PAMR1: variants seen among roughly 807,000 people sequenced by gnomAD.
PAMR1 encodes the protein inactive serine protease PAMR1.
A neutral mutation model predicts 81.8 loss-of-function variants in PAMR1; 88 were observed. The ratio of observed to expected loss-of-function variants is 1.08; its 90% confidence interval spans 0.91 to 1.28. The LOEUF is 1.28. PAMR1 is among the 50% of genes most tolerant of loss of function. The pLI, the probability that PAMR1 is intolerant of heterozygous loss-of-function variation, is 0.00. For synonymous variants in PAMR1, 336 were observed against 345.3 expected (o/e 0.97, Z 0.30); for missense variants, 935 against 919.7 (o/e 1.02, Z -0.21).
intron 4 of PAMR1, among the ~76,000 whole-genome samples, 197 bp downstream of exon 4, chr11:35,474,433 C>A (rs979783591): frequency 6.6e-6 from 1 of 152,112 alleles, no homozygotes. Flanking sequence ...CATCTGAGCC[C>A]CACGGTTCTA....
In PAMR1 at chr11:35,504,532, CTTT is replaced by C. The variant is rs150880715; in HGVS notation, c.74-10263_74-10261del. 4.7e-3 allele frequency among the ~76,000 whole-genome samples: 721 copies of C among 152,122 alleles called. 13 individuals carry two copies. The East Asian group carries it at 0.063, about 13-fold the overall frequency. On this transcript the variant is annotated intron_variant, in intron 1 of 10. Coordinates refer to ENST00000619888, the MANE Select transcript of PAMR1 (RefSeq NM_001001991.3). Reference sequence around the variant, plus strand: ...TCCTGGGCTTTTCTTTGATGGGAGACTTTTTATTACAGCTTCAACCTTGTTACT... The same window carrying C: ...TCCTGGGCTTTTCTTTGATGGGAGACTTATTACAGCTTCAACCTTGTTACT...
chr11:35,518,183 A>G (rs775484268), intron 1 of PAMR1, among the ~76,000 whole-genome samples: 8 of 145,726 alleles, frequency 5.5e-5, no homozygotes, highest in Non-Finnish European at 1.0e-4. Flanking sequence ...CCAGACCAAA[A>G]AGTGTTGTAA....
At chr11:35,436,766 T>C (rs1397373044) in intron 8 of PAMR1, among the ~76,000 whole-genome samples, 1 of 152,160 alleles carries the variant, frequency 6.6e-6, no homozygotes, top group Non-Finnish European at 1.5e-5. Context: ...ATTACTGGCA[T>C]GATTCCAACT....
chr11:35,479,472 G>A (rs1052170597), intron 3 of PAMR1, among the ~76,000 whole-genome samples: 11 of 152,200 alleles, frequency 7.2e-5, no homozygotes, highest in African/African-American at 2.7e-4. Context: ...ACATAAAAAT[G>A]CTCAATAAGT....
At chr11:35,460,342 ATACTT>A (rs1856626112) in intron 6 of PAMR1, among the ~76,000 whole-genome samples, 2 of 141,734 alleles carry the variant, frequency 1.4e-5, no homozygotes, top group Admixed American at 7.1e-5. Flanking sequence ...CTTTTTTTCT[ATACTT>A]TAAGTTCTAG....
chr11:35,492,413 G>A (rs960628593), intron 2 of PAMR1, among the ~76,000 whole-genome samples: 3 of 152,126 alleles, frequency 2.0e-5, no homozygotes, highest in Non-Finnish European at 4.4e-5. Flanking sequence ...AGTGGCTGCT[G>A]TTTTAAAGTA....
Position 35,470,830 on chromosome 11 carries a change from C to T in PAMR1, c.495-12G>A. ...TCAACATGACAAATCTGTGGGTGGA[C>T]AGGGTGACGGAGGGAAGCAGATGGG... On this transcript the variant is annotated splice_polypyrimidine_tract_variant and intron_variant, in intron 4 of 10. Transcript: ENST00000619888. The T allele has an allele frequency of 6.2e-7, 1 of 1,604,776 alleles. No individual in the cohort carries two copies. The highest frequency in any genetic ancestry group is 1.1e-5 in the South Asian group (1 of 90,860).
Position 35,432,815 on chromosome 11 carries a change from G to C in PAMR1, c.1704C>G (p.Asp568Glu), listed in dbSNP as rs758442215. ...DADIAILKLL[D>E]KARISTRVQP... ...GGACTCGGGTGCTGATACGGGCCTTGTCTAGGAGCTTCAGGATGGCGATGT... is the reference window on the plus strand; with the variant it reads ...GGACTCGGGTGCTGATACGGGCCTTCTCTAGGAGCTTCAGGATGGCGATGT... The change falls in exon 11 of 11, where the codon GAC becomes GAG. Residue 568 changes from aspartate to glutamate, a missense_variant. Coordinates refer to ENST00000619888, the MANE Select transcript of PAMR1 (RefSeq NM_001001991.3). The C allele has an allele frequency of 6.2e-7, 1 of 1,606,306 alleles. No homozygotes were observed. Among genetic ancestry groups the C allele is most frequent in the Non-Finnish European group, 8.5e-7 (1 of 1,179,910 alleles).
chr11:35,469,711 C>G (rs1178290258), intron 5 of PAMR1, among the ~76,000 whole-genome samples: 2 of 152,196 alleles, frequency 1.3e-5, no homozygotes, highest in East Asian at 3.8e-4. Context: ...TATTCAGCCA[C>G]CCACCTTCTT....
intron 8 of PAMR1, among the ~76,000 whole-genome samples, chr11:35,437,591 G>A (rs1381018703): frequency 6.6e-6 from 1 of 152,228 alleles, no homozygotes; most frequent in Non-Finnish European, 1.5e-5. Flanking sequence ...GGATGAGGAG[G>A]TGGCTGCTGG....
upstream of PAMR1, chr11:35,530,101 T>C (rs1030104587): frequency 6.6e-6 from 1 of 152,264 alleles, no homozygotes; most frequent in Middle Eastern, 3.4e-3. Context: ...AGGCCAGAGG[T>C]AGAACTGGTC....
At chr11:35,490,828 T>C (rs1850610814) in intron 3 of PAMR1, among the ~76,000 whole-genome samples, 1 of 152,220 alleles carries the variant, frequency 6.6e-6, no homozygotes, top group South Asian at 2.1e-4. Context: ...ATTATTCTCC[T>C]TTTTTATAAA....
At chr11:35,522,223 A>G (rs1851299931) in intron 1 of PAMR1, among the ~76,000 whole-genome samples, 1 of 152,160 alleles carries the variant, frequency 6.6e-6, no homozygotes. Flanking sequence ...CGCCTGCCTC[A>G]AATCGTTTTT....
chr11:35,478,280 G>A (rs950592567), intron 3 of PAMR1, among the ~76,000 whole-genome samples: 1 of 152,164 alleles, frequency 6.6e-6, no homozygotes. Context: ...GGAGGGCTCA[G>A]TCCCCATCCT....
intron 9 of PAMR1, 119 bp downstream of exon 9, chr11:35,435,784 A>T (rs926135181): frequency 8.9e-5 from 63 of 709,394 alleles, no homozygotes; most frequent in Non-Finnish European, 1.4e-4. Context: ...GGAATTTCAG[A>T]TATCACCAAA....
chr11:35,476,624 G>A (rs1478502908), intron 3 of PAMR1, among the ~76,000 whole-genome samples: 1 of 152,096 alleles, frequency 6.6e-6, no homozygotes, highest in African/African-American at 2.4e-5. Flanking sequence ...TTTCTACATA[G>A]CAGAGTGAAA....
chr11:35,434,835 A>T (rs1856002062), intron 9 of PAMR1, 31 bp from the exon 10 acceptor site: 6 of 1,597,382 alleles, frequency 3.8e-6, no homozygotes, highest in Non-Finnish European at 4.3e-6. Context: ...TAGTAAGATA[A>T]ACTCAGACTT....
chr11:35,526,088 TGG>T, upstream of PAMR1: 1 of 159,566 alleles, frequency 6.3e-6, no homozygotes, highest in Non-Finnish European at 1.4e-5. Flanking sequence ...AAGGAGGAGT[TGG>T]TGATGGGAGG....
chr11:35,478,819 G>T (rs1371583751), intron 3 of PAMR1, among the ~76,000 whole-genome samples: 1 of 151,992 alleles, frequency 6.6e-6, no homozygotes, highest in Non-Finnish European at 1.5e-5. Flanking sequence ...GGAGAAGAGG[G>T]GTATAGGTGT....
Sources: gnomAD v4.1 joint callset for allele counts (sites outside exome capture counted in the v4.1 genomes callset) on GRCh38, gnomAD v4.1.1 for gene constraint, MANE v1.5 for transcripts, NCBI Gene and HGNC (gene_info 2026-07-23, HGNC 2026-07-21) for gene names.